Variants in NLK observed in about 807,000 individuals in gnomAD.
The protein encoded by NLK is nemo like kinase, also known as serine/threonine-protein kinase NLK.
NLK carries 11 observed loss-of-function variants against 59.0 expected under a neutral mutation model. The ratio of observed to expected loss-of-function variants is 0.19; its 90% CI spans 0.12 to 0.31. The LOEUF (loss-of-function observed/expected upper bound fraction) is 0.31. Among genes scored for constraint, NLK ranks in the 10% least tolerant of loss-of-function variants. The pLI is 1.00. For missense variants in NLK, 410 were observed against 661.1 expected (o/e 0.62, Z 4.16); for synonymous variants, 235 against 235.9 (o/e 1.00, Z 0.03).
chr17:28,170,074 G>A (rs529357185), intron 6 of NLK, among the ~76,000 whole-genome samples: 123 of 152,216 alleles, frequency 8.1e-4, no homozygotes, highest in Non-Finnish European at 1.2e-3. Flanking sequence ...CATAAAATAA[G>A]GCAGTAAGAT....
At chr17:28,060,040 T>G (rs1909576558) in intron 1 of NLK, among the ~76,000 whole-genome samples, 1 of 152,192 alleles carries the variant, frequency 6.6e-6, no homozygotes. Flanking sequence ...TGTTTCACAG[T>G]CAGCTTACAA....
At chr17:28,166,449 GT>G (rs1908240585) in intron 5 of NLK, among the ~76,000 whole-genome samples, 1 of 152,068 alleles carries the variant, frequency 6.6e-6, no homozygotes, top group African/African-American at 2.4e-5. Flanking sequence ...GATAAATTTT[GT>G]TTTCTTTAGA....
At chr17:28,173,353 TG>T (rs1351328239) in intron 7 of NLK, among the ~76,000 whole-genome samples, 2 of 152,196 alleles carry the variant, frequency 1.3e-5, no homozygotes, top group African/African-American at 4.8e-5. Flanking sequence ...TCTTTTGAAT[TG>T]GACGTTTAGA....
chr17:28,102,231 G>T (rs1904927320), intron 1 of NLK, among the ~76,000 whole-genome samples: 1 of 151,962 alleles, frequency 6.6e-6, no homozygotes, highest in Non-Finnish European at 1.5e-5. Flanking sequence ...CTCACTTTTG[G>T]ATTATTTGAG....
chr17:28,181,711 T>C lies in NLK; in HGVS notation c.1150-3468T>C, dbSNP rs151264855. 2.3e-3 allele frequency among the ~76,000 whole-genome samples: 354 copies of C among 152,240 alleles called. 3 individuals carry two copies. Among genetic ancestry groups the C allele is most frequent in the African/African-American group, 8.0e-3 (332 of 41,536 alleles). On this transcript the variant is annotated intron_variant, in intron 7 of 10. Coordinates refer to ENST00000407008, the MANE Select transcript of NLK (RefSeq NM_016231.5). ...AACTTTTTTATCCAGAGTAATCTTA[T>C]CAAGACTCACACAAGGCTGGGTGCA...
At chr17:28,181,081 C>T (rs1908884342) in intron 7 of NLK, among the ~76,000 whole-genome samples, 1 of 151,942 alleles carries the variant, frequency 6.6e-6, no homozygotes, top group Admixed American at 6.5e-5. Context: ...CAGGGAGACC[C>T]TGTCTCTACA....
chr17:28,175,272 C>T (rs949018862), intron 7 of NLK, among the ~76,000 whole-genome samples: 4 of 150,904 alleles, frequency 2.7e-5, no homozygotes, highest in Non-Finnish European at 5.9e-5. Flanking sequence ...GGTGAAACCC[C>T]GTCTCTACTA....
chr17:28,194,008 C>A (rs1909400400), intron 10 of NLK, among the ~76,000 whole-genome samples: 1 of 152,108 alleles, frequency 6.6e-6, no homozygotes, highest in Non-Finnish European at 1.5e-5. Context: ...TAGGAAAAAG[C>A]CAATAACAGA....
At chr17:28,116,248 A>G (rs892998391) in intron 1 of NLK, 25 of 187,808 alleles carry the variant, frequency 1.3e-4, no homozygotes, top group Admixed American at 7.6e-4. Flanking sequence ...GGTCCAACTT[A>G]ATGAAACCTA....
At chr17:28,093,279 T>A (rs1904574579) in intron 1 of NLK, among the ~76,000 whole-genome samples, 1 of 152,164 alleles carries the variant, frequency 6.6e-6, no homozygotes, top group Non-Finnish European at 1.5e-5. Flanking sequence ...ATAGATTTCT[T>A]AAATATAATT....
intron 3 of NLK, among the ~76,000 whole-genome samples, chr17:28,138,950 A>G (rs1906872524): frequency 6.6e-6 from 1 of 152,180 alleles, no homozygotes; most frequent in Non-Finnish European, 1.5e-5. Flanking sequence ...TATAGGTTGG[A>G]AAGTATACTG....
intron 1 of NLK, among the ~76,000 whole-genome samples, chr17:28,058,564 C>T (rs1332797054): frequency 6.6e-6 from 1 of 152,160 alleles, no homozygotes; most frequent in African/African-American, 2.4e-5. Context: ...AGCCTGGTCC[C>T]ATGATGGGTG....
chr17:28,136,394 T>G (rs1160817353), intron 3 of NLK, among the ~76,000 whole-genome samples: 1 of 152,222 alleles, frequency 6.6e-6, no homozygotes, highest in African/African-American at 2.4e-5. Flanking sequence ...CTGAATCCTT[T>G]TAACATAAAA....
intron 3 of NLK, among the ~76,000 whole-genome samples, chr17:28,159,739 TA>T (rs1446472382): frequency 6.6e-6 from 1 of 152,148 alleles, no homozygotes; most frequent in Non-Finnish European, 1.5e-5. Flanking sequence ...TATAATAAAG[TA>T]AATGTCAGTA....
intron 3 of NLK, among the ~76,000 whole-genome samples, chr17:28,157,598 G>GT (rs1176825894): frequency 9.9e-5 from 15 of 151,696 alleles, no homozygotes; most frequent in African/African-American, 3.4e-4. Flanking sequence ...AAGTGCTGGG[G>GT]TTACAGGCAT....
At chr17:28,204,744 A>C in the NLK span, among the ~76,000 whole-genome samples, 1 of 152,224 alleles carries the variant, frequency 6.6e-6, no homozygotes, top group Non-Finnish European at 1.5e-5. Flanking sequence ...CCTAGGGAAT[A>C]AACAGGGCAG....
chr17:28,182,444 G>A (rs1908948052), intron 7 of NLK, among the ~76,000 whole-genome samples: 1 of 152,174 alleles, frequency 6.6e-6, no homozygotes, highest in African/African-American at 2.4e-5. Context: ...TGGAGAGCTT[G>A]ACCCACATGA....
intron 1 of NLK, among the ~76,000 whole-genome samples, chr17:28,089,656 A>G (rs1567710905): frequency 1.3e-5 from 2 of 152,084 alleles, no homozygotes; most frequent in African/African-American, 2.4e-5. Context: ...TGTTTTCCCA[A>G]ATGGTTTTAC....
intron 1 of NLK, among the ~76,000 whole-genome samples, chr17:28,071,675 C>G (rs2142757391): frequency 6.6e-6 from 1 of 152,312 alleles, no homozygotes; most frequent in Middle Eastern, 3.4e-3. Context: ...ACCTTACATT[C>G]ACTTAAGGCA....
Sources: gnomAD v4.1 joint callset for allele counts (sites outside exome capture counted in the v4.1 genomes callset) on GRCh38, gnomAD v4.1.1 for gene constraint, MANE v1.5 for transcripts, NCBI Gene and HGNC (gene_info 2026-07-23, HGNC 2026-07-21) for gene names.